MALRD1: variants seen among roughly 807,000 people sequenced by gnomAD.
MALRD1 encodes MAM and LDL-receptor class A domain-containing protein 1.
A neutral mutation model predicts 242.1 loss-of-function variants in MALRD1; 247 were observed. That is an observed-to-expected ratio of 1.02 (90% CI 0.92 to 1.13). The LOEUF (loss-of-function observed/expected upper bound fraction) is 1.13. MALRD1 is among the 50% of genes most tolerant of loss of function. MALRD1 has a pLI of 0.00. For synonymous variants in MALRD1, 995 were observed against 866.6 expected (o/e 1.15, Z -2.60); for missense variants, 2,989 against 2,533.1 (o/e 1.18, Z -3.86).
intron 32 of MALRD1, among the ~76,000 whole-genome samples, chr10:19,562,324 GA>G (rs1272317721): frequency 6.0e-5 from 9 of 151,172 alleles, no homozygotes; most frequent in Non-Finnish European, 1.2e-4. Context: ...TAGATAGATA[GA>G]TAGATAGATA....
At chr10:19,323,173 A>C (rs1842974842) in intron 21 of MALRD1, among the ~76,000 whole-genome samples, 2 of 152,192 alleles carry the variant, frequency 1.3e-5, no homozygotes, top group South Asian at 4.1e-4. Flanking sequence ...AAATCAATAT[A>C]GAGAGAGTAA....
chr10:19,509,933 T>C (rs1833318233), intron 31 of MALRD1, among the ~76,000 whole-genome samples: 1 of 144,624 alleles, frequency 6.9e-6, no homozygotes, highest in South Asian at 2.3e-4. Flanking sequence ...GGACCGGCGC[T>C]CAGCATACAG....
chr10:19,335,192 G>GTTTT (rs397828429), intron 24 of MALRD1, among the ~76,000 whole-genome samples: 1 of 137,370 alleles, frequency 7.3e-6, no homozygotes, highest in African/African-American at 2.7e-5. Flanking sequence ...GTTTTTTTTT[G>GTTTT]TTTTTTTTTT....
intron 26 of MALRD1, among the ~76,000 whole-genome samples, chr10:19,365,266 T>C (rs1485888845): frequency 6.6e-6 from 1 of 152,156 alleles, no homozygotes; most frequent in Non-Finnish European, 1.5e-5. Flanking sequence ...ATTCCTTAAA[T>C]ATGCTAACTC....
chr10:19,066,729 T>C lies in MALRD1; in HGVS notation c.210T>C (p.Tyr70=). 1 of 1,233,730 alleles carries C rather than the reference T, an allele frequency of 8.1e-7. No homozygotes were observed. The highest frequency in any genetic ancestry group is 3.2e-5 in the East Asian group (1 of 31,682). The allele number at this position is 1,233,730 out of a possible 1,614,324, so 76.4% of individuals were successfully genotyped here. A position where few individuals can be genotyped will look rare whatever the true frequency, so the allele number is the denominator to read the frequency against. The stretch of plus-strand genomic sequence containing the variant: ...CTTCTTTCTCATTAGGTTTGAATTA[T>C]GAAAGATGTGATTTTGAGGATGGTC... ...DSSDERHCLN[Y]ERCDFEDGLC... The change falls in exon 2 of 40, where the codon TAT becomes TAC. Residue 70 remains tyrosine, a synonymous_variant. Coordinates refer to ENST00000454679, the MANE Select transcript of MALRD1 (RefSeq NM_001142308.3).
chr10:19,255,081 C>G (rs145655858), intron 18 of MALRD1, among the ~76,000 whole-genome samples: 2 of 152,092 alleles, frequency 1.3e-5, no homozygotes, highest in East Asian at 3.9e-4. Context: ...TCTGTCTTTA[C>G]GTGGAGCAGG....
intron 9 of MALRD1, among the ~76,000 whole-genome samples, 172 bp from the exon 10 acceptor site, chr10:19,136,402 G>A (rs1002695779): frequency 2.0e-5 from 3 of 150,764 alleles, no homozygotes; most frequent in Non-Finnish European, 4.4e-5. Context: ...GGTTTGTTAT[G>A]TCAGTCGTAT....
chr10:19,397,340 G>GTACC (rs1846628304), intron 28 of MALRD1, among the ~76,000 whole-genome samples: 1 of 152,004 alleles, frequency 6.6e-6, no homozygotes, highest in African/African-American at 2.4e-5. Flanking sequence ...AGATCATGAG[G>GTACC]TGTCTTTCTG....
intron 36 of MALRD1, among the ~76,000 whole-genome samples, chr10:19,668,499 A>G (rs1841780189): frequency 6.6e-6 from 1 of 152,204 alleles, no homozygotes; most frequent in Non-Finnish European, 1.5e-5. Flanking sequence ...GGATAACCAA[A>G]TGTGGGAGAA....
At chr10:19,369,092 T>C (rs1845246291) in intron 26 of MALRD1, among the ~76,000 whole-genome samples, 1 of 146,950 alleles carries the variant, frequency 6.8e-6, no homozygotes, top group Non-Finnish European at 1.5e-5. Context: ...TGTGTTAATA[T>C]ATATTTAAAT....
intron 34 of MALRD1, among the ~76,000 whole-genome samples, chr10:19,606,413 C>A (rs774783913): frequency 1.3e-5 from 2 of 152,094 alleles, no homozygotes; most frequent in Non-Finnish European, 2.9e-5. Context: ...CAAAGCTGTT[C>A]TTGTTGAACC....
At chr10:19,370,707 A>G (rs185316706) in intron 26 of MALRD1, among the ~76,000 whole-genome samples, 60 of 152,044 alleles carry the variant, frequency 3.9e-4, no homozygotes, top group African/African-American at 1.4e-3. Flanking sequence ...CCTCCTGGGT[A>G]CCTGAAACTA....
At chr10:19,585,003 C>A (rs7085847) in intron 33 of MALRD1, among the ~76,000 whole-genome samples, 2 of 151,924 alleles carry the variant, frequency 1.3e-5, no homozygotes, top group South Asian at 4.2e-4. Context: ...CTCTTTTGAT[C>A]TCTGTTGGTT....
At chr10:19,478,317 C>T (rs1182843627) in intron 29 of MALRD1, among the ~76,000 whole-genome samples, 2 of 152,168 alleles carry the variant, frequency 1.3e-5, no homozygotes, top group Non-Finnish European at 2.9e-5. Context: ...TTCCTTTTGC[C>T]ATTCCCTATC....
At chr10:19,148,511 A>G (rs1833805191) in intron 11 of MALRD1, among the ~76,000 whole-genome samples, 1 of 152,130 alleles carries the variant, frequency 6.6e-6, no homozygotes, top group Admixed American at 6.5e-5. Context: ...AAGACTAGGA[A>G]AAACACCAGA....
rs1198359634 is a variant in MALRD1 at position 19,351,915 on chromosome 10, TA to T, written c.4150-88del. 3.4e-6 allele frequency: 4 copies of T among 1,175,160 alleles called. No individual in the cohort carries two copies. The East Asian group carries it at 7.7e-5, about 23-fold the overall frequency. 72.8% of individuals were successfully genotyped at this position (1,175,160 alleles called of 1,614,324 possible). ...TAATTTTCCTCCAGAAATCTGTTAA[TA>T]AAGAAGAGGGCAATGTGATAGAATT... On this transcript the variant is annotated intron_variant, in intron 25 of 39. Coordinates refer to ENST00000454679, the MANE Select transcript of MALRD1 (RefSeq NM_001142308.3).
intron 23 of MALRD1, among the ~76,000 whole-genome samples, 170 bp downstream of exon 23, chr10:19,327,843 G>A (rs1449074609): frequency 6.6e-6 from 1 of 152,088 alleles, no homozygotes; most frequent in Admixed American, 6.6e-5. Flanking sequence ...ATAAGGGATT[G>A]ACAACTTCAG....
chr10:19,312,314 C>A (rs1008655156), intron 21 of MALRD1, among the ~76,000 whole-genome samples: 1 of 149,254 alleles, frequency 6.7e-6, no homozygotes, highest in African/African-American at 2.5e-5. Flanking sequence ...TAGTTTTAGA[C>A]CTTATAGCTA....
chr10:19,525,618 A>G (rs1222708507), intron 31 of MALRD1, among the ~76,000 whole-genome samples: 2 of 152,200 alleles, frequency 1.3e-5, no homozygotes, highest in Non-Finnish European at 2.9e-5. Flanking sequence ...ATTGTAGCTA[A>G]TTAAGATGCA....
Sources: allele counts gnomAD v4.1 joint callset (sites outside exome capture counted in the v4.1 genomes callset), GRCh38; gene constraint gnomAD v4.1.1; transcripts MANE v1.5; gene names NCBI Gene and HGNC (gene_info 2026-07-23, HGNC 2026-07-21).